CELF2: variants seen among roughly 807,000 people sequenced by gnomAD.
CELF2 encodes CUG triplet repeat RNA-binding protein 2.
CELF2 carries 8 observed loss-of-function variants against 62.6 expected under a neutral mutation model. The ratio of observed to expected loss-of-function variants is 0.13; its 90% CI spans 0.07 to 0.23. The LOEUF is 0.23. Among genes scored for constraint, CELF2 ranks in the 10% least tolerant of loss-of-function variants. The pLI is 1.00. For missense variants in CELF2, 333 were observed against 671.0 expected (o/e 0.50, Z 5.56); for synonymous variants, 258 against 250.0 (o/e 1.03, Z -0.30).
chr10:10,989,020 T>A lies in CELF2; in HGVS notation c.89+69021T>A, dbSNP rs566118404. Among the ~76,000 whole-genome samples, 52 of 152,234 alleles carry A rather than the reference T, an allele frequency of 3.4e-4. No individual in the cohort carries two copies. The South Asian group carries it at 9.9e-3, about 29-fold the overall frequency. On this transcript the variant is annotated intron_variant, in intron 2 of 13. Coordinates refer to the CELF2 transcript ENST00000636488. ...TTTAAGGACAGTGTACTGAAAAAAA[T>A]TTTAAGCAACAACTTTACCTTAAAT...
the CELF2 span, among the ~76,000 whole-genome samples, chr10:10,705,445 T>G: frequency 6.6e-6 from 1 of 151,666 alleles, no homozygotes; most frequent in African/African-American, 2.4e-5. Context: ...CATTTAAATA[T>G]TTAATTTCCT....
the CELF2 span, among the ~76,000 whole-genome samples, chr10:10,622,451 T>G: frequency 1.7e-4 from 26 of 151,316 alleles, no homozygotes; most frequent in Admixed American, 6.5e-4. Flanking sequence ...ACTACATACA[T>G]ACATACATAC....
chr10:11,138,997 A>G (rs990846630), intron 1 of CELF2, among the ~76,000 whole-genome samples: 2 of 152,218 alleles, frequency 1.3e-5, no homozygotes, highest in African/African-American at 4.8e-5. Context: ...TGGCAATTAT[A>G]TTTATTCTAT....
In CELF2 at chr10:11,270,546, A is replaced by AT; in HGVS notation, c.619-117dup. ...AAGGAATATCAAACCGTTTTAAACC[A>AT]TTTCAGCCCATTCCATGTGCTCCAG... On this transcript the variant is annotated intron_variant, in intron 6 of 12. Coordinates refer to ENST00000633077, the MANE Select transcript of CELF2 (RefSeq NM_001326342.2). The surrounding 1 kb of genome is among the most constrained non-coding windows in gnomAD (Gnocchi z 5.8). 1 of 843,452 alleles carries AT rather than the reference A, an allele frequency of 1.2e-6. No individual in the cohort carries two copies. Among genetic ancestry groups the AT allele is most frequent in the Non-Finnish European group, 1.7e-6 (1 of 590,132 alleles). 52.2% of individuals were successfully genotyped at this position (843,452 alleles called of 1,614,324 possible).
the CELF2 span, among the ~76,000 whole-genome samples, chr10:10,622,693 C>A: frequency 6.6e-6 from 1 of 151,704 alleles, no homozygotes; most frequent in Admixed American, 6.6e-5. Flanking sequence ...TTATTGTCAT[C>A]GACTGGGGAA....
chr10:10,529,383 G>A, the CELF2 span, among the ~76,000 whole-genome samples: 2 of 152,120 alleles, frequency 1.3e-5, no homozygotes, highest in Non-Finnish European at 2.9e-5. Flanking sequence ...GATTGCTGGG[G>A]TAGAAAGAAG....
rs915814134 is a variant in CELF2 at position 11,333,952 on chromosome 10, AGTTTGATTTCGGGTTGATTGATT to A, written c.*4901_*4923del. On this transcript the variant is annotated 3_prime_UTR_variant, in exon 13 of 13. Transcript: ENST00000633077. ...GGGCCCCTGACAATGACTGATTTCA[AGTTTGATTTCGGGTTGATTGATT>A]GATTGATTGATAGAAAGAAAGTTGC... 61 of 148,862 alleles carry A rather than the reference AGTTTGATTTCGGGTTGATTGATT, an allele frequency of 4.1e-4. No individual in the cohort carries two copies. Among genetic ancestry groups the A allele is most frequent in the African/African-American group, 1.4e-3 (57 of 39,462 alleles). 9.2% of individuals were successfully genotyped at this position (148,862 alleles called of 1,614,324 possible).
intron 1 of CELF2, among the ~76,000 whole-genome samples, chr10:11,038,005 T>C (rs1016624091): frequency 6.6e-6 from 1 of 152,202 alleles, no homozygotes; most frequent in African/African-American, 2.4e-5. Flanking sequence ...GTATGTAGTT[T>C]CTGTAAGACT....
At position 10,993,523 on chromosome 10, in the gene CELF2, C is replaced by T. The variant is rs1045080441; in HGVS notation, c.89+73524C>T. Among the ~76,000 whole-genome samples, 4 of 152,104 alleles carry T rather than the reference C, an allele frequency of 2.6e-5. No individual in the cohort carries two copies. Among genetic ancestry groups the T allele is most frequent in the African/African-American group, 9.7e-5 (4 of 41,408 alleles). ...AGATCCTGGTATAGAAGTCTAACAG[C>T]CTAAGCCACTGGGAACACACTTGTA... On this transcript the variant is annotated intron_variant, in intron 2 of 13. Transcript: ENST00000636488. The surrounding 1 kb of genome is among the most constrained non-coding windows in gnomAD (Gnocchi z 5.3).
rs2054732173 is a variant in CELF2 at position 11,110,115 on chromosome 10, G to A, written c.75-55371G>A. 6.6e-6 allele frequency among the ~76,000 whole-genome samples: 1 copy of A among 152,052 alleles called. No homozygotes were observed. Among genetic ancestry groups the A allele is most frequent in the Non-Finnish European group, 1.5e-5 (1 of 68,012 alleles). On this transcript the variant is annotated intron_variant, in intron 1 of 12. Coordinates refer to ENST00000633077, the MANE Select transcript of CELF2 (RefSeq NM_001326342.2). This position sits in a 1 kb window ranked among gnomAD's most constrained non-coding sequence, Gnocchi z 4.0. The stretch of plus-strand genomic sequence containing the variant: ...TGCTACTAAAAATTTTTAAAAATTA[G>A]TTGGGCATGGTGGCATGCTCCTGTA...
At chr10:11,062,960 T>C (rs150101347) in intron 1 of CELF2, among the ~76,000 whole-genome samples, 1 of 152,072 alleles carries the variant, frequency 6.6e-6, no homozygotes, top group Non-Finnish European at 1.5e-5. Context: ...CATCAGTCAG[T>C]AGCCATCAGC....
At chr10:10,963,788 T>A (rs2049818402) in intron 2 of CELF2, among the ~76,000 whole-genome samples, 3 of 152,216 alleles carry the variant, frequency 2.0e-5, no homozygotes, top group Admixed American at 2.0e-4. Context: ...GAGAGGGGTT[T>A]ATCCTCCTGA....
rs117294986 is a variant in CELF2, at chr10:11,251,509, G to A, written c.403+2308G>A. 5.2e-3 allele frequency among the ~76,000 whole-genome samples: 795 copies of A among 151,958 alleles called. 12 individuals are homozygous for A. In the East Asian group the frequency reaches 0.055, roughly 10 times the overall value. Reference sequence around the variant, plus strand: ...ATGATCACAGAAGCCAAGGAGGACCGGGCACCGTTATTTCTAGGATAAGAC... The same window carrying A: ...ATGATCACAGAAGCCAAGGAGGACCAGGCACCGTTATTTCTAGGATAAGAC... On this transcript the variant is annotated intron_variant, in intron 4 of 12. Coordinates refer to ENST00000633077, the MANE Select transcript of CELF2 (RefSeq NM_001326342.2).
chr10:10,957,631 G>T lies in CELF2; in HGVS notation c.89+37632G>T, dbSNP rs2049045623. 6.6e-6 allele frequency among the ~76,000 whole-genome samples: 1 copy of T among 152,100 alleles called. No homozygotes were observed. Among genetic ancestry groups the T allele is most frequent in the South Asian group, 2.1e-4 (1 of 4,816 alleles). ...CCTCTTACCTGAAGAACACGTTCAG[G>T]ATCACTTCTGTGCTCCCGATGTAGT... is the stretch of plus-strand genomic sequence containing the variant. On this transcript the variant is annotated intron_variant, in intron 2 of 13. Coordinates refer to the CELF2 transcript ENST00000636488. The surrounding 1 kb of genome is among the most constrained non-coding windows in gnomAD (Gnocchi z 4.1).
chr10:10,586,661 C>A, the CELF2 span, among the ~76,000 whole-genome samples: 1 of 152,102 alleles, frequency 6.6e-6, no homozygotes, highest in Non-Finnish European at 1.5e-5. Context: ...AACCTGGGCA[C>A]ACCACGTAAT....
chr10:10,631,886 G>A, the CELF2 span, among the ~76,000 whole-genome samples: 2 of 152,202 alleles, frequency 1.3e-5, no homozygotes, highest in Admixed American at 1.3e-4. Context: ...GAGGTAGGCT[G>A]GGAACTTGGT....
Position 11,008,954 on chromosome 10 carries a change from T to C in CELF2, c.53+3514T>C, listed in dbSNP as rs1777319062. Among the ~76,000 whole-genome samples the C allele has an allele frequency of 6.9e-6, 1 of 145,704 alleles. No individual in the cohort carries two copies. The highest frequency in any genetic ancestry group is 2.4e-4 in the South Asian group (1 of 4,236). On this transcript the variant is annotated intron_variant, in intron 1 of 12. Transcript: ENST00000416382. This position sits in a 1 kb window ranked among gnomAD's most constrained non-coding sequence, Gnocchi z 4.5. ...ATAATGCCTTCTTGGGTCACCTTTATTAGCCTTCACTGAATTTCTTTGCAT... is the reference window on the plus strand; with the variant it reads ...ATAATGCCTTCTTGGGTCACCTTTACTAGCCTTCACTGAATTTCTTTGCAT...
intron 1 of CELF2, among the ~76,000 whole-genome samples, chr10:11,158,964 A>G (rs2065103950): frequency 6.6e-6 from 1 of 152,218 alleles, no homozygotes; most frequent in African/African-American, 2.4e-5. Context: ...GTGTGTATGT[A>G]CATATAGGAA....
the CELF2 span, among the ~76,000 whole-genome samples, chr10:10,720,563 A>G: frequency 2.0e-5 from 3 of 152,216 alleles, no homozygotes; most frequent in East Asian, 1.9e-4. Flanking sequence ...AAGGATTTTT[A>G]GAAGAAAGCT....
Sources: allele counts gnomAD v4.1 joint callset (sites outside exome capture counted in the v4.1 genomes callset), GRCh38; gene constraint gnomAD v4.1.1; non-coding constraint Gnocchi (gnomAD v3.1); transcripts MANE v1.5; gene names NCBI Gene and HGNC (gene_info 2026-07-23, HGNC 2026-07-21).